The following NCAM2 variants were observed in gnomAD, a reference collection of about 807,000 sequenced individuals.
The protein encoded by NCAM2 is neural cell adhesion molecule 2.
A neutral mutation model predicts 98.1 loss-of-function variants in NCAM2; 30 were observed. That is an observed-to-expected ratio of 0.31 (90% CI 0.23 to 0.41). NCAM2 has a LOEUF of 0.41. Among genes scored for constraint, NCAM2 ranks in the 10% least tolerant of loss-of-function variants. The pLI is 1.00. For synonymous variants in NCAM2, 368 were observed against 342.4 expected (o/e 1.07, Z -0.83); for missense variants, 867 against 1,005.8 (o/e 0.86, Z 1.87).
chr21:21,342,273 C>T (rs1468459342), intron 8 of NCAM2, among the ~76,000 whole-genome samples: 4 of 152,184 alleles, frequency 2.6e-5, no homozygotes, highest in African/African-American at 7.2e-5. Context: ...AATTTTCTCT[C>T]ACTTTTGATT....
chr21:21,441,743 G>A (rs1979306441), intron 12 of NCAM2, among the ~76,000 whole-genome samples: 1 of 145,976 alleles, frequency 6.9e-6, no homozygotes, highest in African/African-American at 2.6e-5. Context: ...TATCCTGGAG[G>A]AAAGCCTCCC....
rs2147470137 is a variant in NCAM2, at chr21:21,276,863, T to C, written c.56-3715T>C. Among the ~76,000 whole-genome samples the C allele has an allele frequency of 2.0e-5, 3 of 152,184 alleles. No individual in the cohort carries two copies. In the Middle Eastern group the frequency reaches 0.01, roughly 518 times the overall value. The stretch of plus-strand genomic sequence containing the variant: ...CCAAAATGTCCATGAATAATATGGC[T>C]TAATTAATATGTGCATTGGTAATTT... On this transcript the variant is annotated intron_variant, in intron 1 of 17. Coordinates refer to ENST00000400546, the MANE Select transcript of NCAM2 (RefSeq NM_004540.5).
chr21:21,525,983 G>C (rs1205751895), intron 16 of NCAM2, among the ~76,000 whole-genome samples: 2 of 151,970 alleles, frequency 1.3e-5, no homozygotes, highest in East Asian at 3.9e-4. Context: ...ATAACAATGA[G>C]GGGTGGACCT....
chr21:21,046,099 A>T (rs1392238579), intron 1 of NCAM2, among the ~76,000 whole-genome samples: 1 of 152,190 alleles, frequency 6.6e-6, no homozygotes, highest in African/African-American at 2.4e-5. Flanking sequence ...ATGCAGGCTA[A>T]GTGAAGTGAT....
At chr21:21,124,093 C>T (rs2146579347) in intron 1 of NCAM2, among the ~76,000 whole-genome samples, 1 of 151,304 alleles carries the variant, frequency 6.6e-6, no homozygotes, top group Admixed American at 6.6e-5. Context: ...TGATCCGGCC[C>T]ACCTCGGCGT....
intron 1 of NCAM2, among the ~76,000 whole-genome samples, chr21:21,082,288 A>AC (rs2065822751): frequency 1.3e-5 from 2 of 150,140 alleles, no homozygotes; most frequent in African/African-American, 4.9e-5. Flanking sequence ...AAACAAAAAA[A>AC]AAAAAACAAA....
intron 1 of NCAM2, among the ~76,000 whole-genome samples, chr21:21,214,469 G>T (rs1308477475): frequency 6.6e-6 from 1 of 151,894 alleles, no homozygotes; most frequent in Non-Finnish European, 1.5e-5. Context: ...AATGCCTTAA[G>T]ATTTGATTTC....
At chr21:21,275,264 C>A (rs955020360) in intron 1 of NCAM2, among the ~76,000 whole-genome samples, 1 of 151,560 alleles carries the variant, frequency 6.6e-6, no homozygotes, top group African/African-American at 2.4e-5. Context: ...CACGGTGAAA[C>A]CCCATCTCTA....
At chr21:21,334,664 A>C (rs1424715848) in intron 6 of NCAM2, among the ~76,000 whole-genome samples, 1 of 152,098 alleles carries the variant, frequency 6.6e-6, no homozygotes, top group East Asian at 1.9e-4. Flanking sequence ...AAGATGAATA[A>C]AATGAAAGGA....
chr21:21,048,291 G>C (rs2065038267), intron 1 of NCAM2, among the ~76,000 whole-genome samples: 1 of 151,936 alleles, frequency 6.6e-6, no homozygotes, highest in South Asian at 2.1e-4. Flanking sequence ...ATCAGAAAGT[G>C]TTTAAATTTA....
chr21:21,079,675 C>T (rs961028964), intron 1 of NCAM2, among the ~76,000 whole-genome samples: 1 of 151,952 alleles, frequency 6.6e-6, no homozygotes, highest in Admixed American at 6.6e-5. Flanking sequence ...TTTGTTTCTG[C>T]CCCCTACCCA....
At chr21:21,159,126 G>T (rs529089451) in intron 1 of NCAM2, among the ~76,000 whole-genome samples, 4 of 151,476 alleles carry the variant, frequency 2.6e-5, no homozygotes, top group East Asian at 1.9e-4. Context: ...AAGTATAAAA[G>T]GTAAAATAAA....
intron 1 of NCAM2, among the ~76,000 whole-genome samples, chr21:21,107,289 C>G (rs901639251): frequency 6.6e-6 from 1 of 152,008 alleles, no homozygotes; most frequent in Non-Finnish European, 1.5e-5. Flanking sequence ...ATTACATGAC[C>G]TGTCCAGCAC....
chr21:21,162,876 T>C (rs184756547), intron 1 of NCAM2, among the ~76,000 whole-genome samples: 1 of 152,168 alleles, frequency 6.6e-6, no homozygotes, highest in Non-Finnish European at 1.5e-5. Flanking sequence ...ACCGGATTGA[T>C]GTTTTATCTG....
chr21:21,253,139 C>T (rs909370945), intron 1 of NCAM2, among the ~76,000 whole-genome samples: 2 of 152,164 alleles, frequency 1.3e-5, no homozygotes, highest in African/African-American at 4.8e-5. Flanking sequence ...TACTGTTATC[C>T]TTCTTTTTAC....
chr21:21,474,301 G>A (rs1051677053), intron 14 of NCAM2, among the ~76,000 whole-genome samples: 1 of 151,970 alleles, frequency 6.6e-6, no homozygotes, highest in Non-Finnish European at 1.5e-5. Context: ...TATACTATCA[G>A]CCCAAATACT....
intron 1 of NCAM2, among the ~76,000 whole-genome samples, chr21:21,185,970 A>G (rs1372143723): frequency 1.3e-5 from 2 of 152,200 alleles, no homozygotes; most frequent in East Asian, 1.9e-4. Flanking sequence ...GAGGAAGCAG[A>G]TTGCAGTGGT....
At chr21:21,323,576 A>G (rs1033490736) in intron 5 of NCAM2, among the ~76,000 whole-genome samples, 4 of 152,190 alleles carry the variant, frequency 2.6e-5, no homozygotes, top group African/African-American at 9.6e-5. Context: ...GTCACAATTT[A>G]TCCTCTACTT....
intron 9 of NCAM2, among the ~76,000 whole-genome samples, chr21:21,394,181 T>C (rs1569014428): frequency 6.6e-6 from 1 of 152,210 alleles, no homozygotes; most frequent in Non-Finnish European, 1.5e-5. Context: ...AGCACACATC[T>C]AATTTAGTAT....
Sources: gnomAD v4.1 joint callset for allele counts (sites outside exome capture counted in the v4.1 genomes callset) on GRCh38, gnomAD v4.1.1 for gene constraint, MANE v1.5 for transcripts, NCBI Gene and HGNC (gene_info 2026-07-23, HGNC 2026-07-21) for gene names.